HS2ST1: variants seen among roughly 807,000 people sequenced by gnomAD.
HS2ST1 encodes heparan sulfate 2-O-sulfotransferase 1.
Under a neutral mutation model 42.9 loss-of-function variants are expected in HS2ST1, and 18 were observed. The observed-to-expected ratio is 0.42, with a 90% CI of 0.29 to 0.62. The LOEUF (loss-of-function observed/expected upper bound fraction) is 0.62. Among genes scored for constraint, HS2ST1 ranks in the 20% least tolerant of loss-of-function variants. HS2ST1 has a pLI of 0.21. For missense variants in HS2ST1, 334 were observed against 433.8 expected, an observed-to-expected ratio of 0.77 and a Z score of 2.04; for synonymous variants, 146 against 152.9, an observed-to-expected ratio of 0.95 and a Z score of 0.33.
rs1403534315 is a variant in HS2ST1, at chr1:87,108,885, A to C, written c.*4189A>C. ...AGTGTTGAATGTAATTTTCGGAAAC[A>C]TGGATTGTGTATTTTGACTTTTATT... On this transcript the variant is annotated 3_prime_UTR_variant, in exon 7 of 7. Coordinates refer to ENST00000370550, the MANE Select transcript of HS2ST1 (RefSeq NM_012262.4). The C allele has an allele frequency of 6.6e-6, 1 of 152,514 alleles. No homozygotes were observed. Among genetic ancestry groups the C allele is most frequent in the Non-Finnish European group, 1.5e-5 (1 of 67,966 alleles). The allele number at this position is 152,514 out of a possible 1,614,324, so 9.4% of individuals were successfully genotyped here.
intron 1 of HS2ST1, among the ~76,000 whole-genome samples, chr1:86,942,686 A>G (rs930416679): frequency 6.6e-6 from 1 of 152,188 alleles, no homozygotes; most frequent in African/African-American, 2.4e-5. Flanking sequence ...GAGATTTCCT[A>G]TTTGAAGTTG....
chr1:86,932,267 T>C (rs1660560121), intron 1 of HS2ST1: 1 of 151,558 alleles, frequency 6.6e-6, no homozygotes, highest in Non-Finnish European at 1.5e-5. Flanking sequence ...CACATGAGAG[T>C]AGAGAGTAAA....
chr1:86,967,771 C>T (rs1282545682), intron 1 of HS2ST1, among the ~76,000 whole-genome samples: 4 of 152,134 alleles, frequency 2.6e-5, no homozygotes, highest in Admixed American at 6.6e-5. Flanking sequence ...TATGTGCCTG[C>T]GTCTTTTTCA....
chr1:86,970,518 A>T (rs1648200416), intron 1 of HS2ST1, among the ~76,000 whole-genome samples: 1 of 152,100 alleles, frequency 6.6e-6, no homozygotes, highest in Non-Finnish European at 1.5e-5. Flanking sequence ...GTTGTGCCTC[A>T]GCCTCCCAAG....
chr1:87,007,538 A>C (rs1319352953), intron 1 of HS2ST1, among the ~76,000 whole-genome samples: 2 of 152,150 alleles, frequency 1.3e-5, no homozygotes, highest in Non-Finnish European at 2.9e-5. Flanking sequence ...AAGGCTGGTT[A>C]AAATGTGATA....
At chr1:87,101,688 C>G (rs575235058) in intron 5 of HS2ST1, among the ~76,000 whole-genome samples, 1 of 152,276 alleles carries the variant, frequency 6.6e-6, no homozygotes, top group African/African-American at 2.4e-5. Context: ...CAAAGTTTCC[C>G]TCTTCTTCCT....
chr1:86,924,226 G>T (rs538837168), intron 1 of HS2ST1, among the ~76,000 whole-genome samples: 3 of 152,316 alleles, frequency 2.0e-5, no homozygotes. Flanking sequence ...CAAGAGTTGG[G>T]CTCCCATGGC....
chr1:86,924,527 C>T (rs1207150452), intron 1 of HS2ST1, among the ~76,000 whole-genome samples: 1 of 152,188 alleles, frequency 6.6e-6, no homozygotes, highest in African/African-American at 2.4e-5. Flanking sequence ...CTTGGGTATC[C>T]AGGTGTTTCC....
chr1:86,950,462 C>T (rs1026375845), intron 1 of HS2ST1, among the ~76,000 whole-genome samples: 6 of 152,068 alleles, frequency 3.9e-5, no homozygotes, highest in African/African-American at 1.4e-4. Context: ...TGCATTGGGT[C>T]TTGGACTGGA....
intron 1 of HS2ST1, among the ~76,000 whole-genome samples, chr1:86,975,336 T>G (rs1648367516): frequency 6.6e-6 from 1 of 151,936 alleles, no homozygotes; most frequent in Non-Finnish European, 1.5e-5. Context: ...GAAGTACTGT[T>G]GTAATTTATA....
At chr1:86,937,021 C>A (rs1238389872) in intron 1 of HS2ST1, among the ~76,000 whole-genome samples, 1 of 151,678 alleles carries the variant, frequency 6.6e-6, no homozygotes, top group African/African-American at 2.4e-5. Flanking sequence ...AGGACAATCG[C>A]TTGAACCCGG....
At chr1:87,005,213 C>T (rs1288641038) in intron 1 of HS2ST1, among the ~76,000 whole-genome samples, 1 of 152,178 alleles carries the variant, frequency 6.6e-6, no homozygotes, top group Non-Finnish European at 1.5e-5. Flanking sequence ...CACGCAGAGG[C>T]AGAATCCTCT....
intron 1 of HS2ST1, among the ~76,000 whole-genome samples, chr1:87,014,607 C>T (rs965652447): frequency 5.9e-5 from 9 of 152,072 alleles, no homozygotes. Flanking sequence ...AACAAAAAAC[C>T]CTGACAAATA....
At chr1:87,015,998 G>A (rs1362876432) in intron 1 of HS2ST1, among the ~76,000 whole-genome samples, 1 of 151,520 alleles carries the variant, frequency 6.6e-6, no homozygotes, top group African/African-American at 2.4e-5. Context: ...TATATTTTTA[G>A]TAGAGACGGG....
intron 3 of HS2ST1, among the ~76,000 whole-genome samples, chr1:87,091,122 T>G (rs914544504): frequency 1.3e-5 from 2 of 152,046 alleles, no homozygotes; most frequent in Non-Finnish European, 2.9e-5. Context: ...GGACAAGAAA[T>G]TTAGTCTTTT....
chr1:86,987,268 G>T (rs1300809672), intron 1 of HS2ST1, among the ~76,000 whole-genome samples: 1 of 151,492 alleles, frequency 6.6e-6, no homozygotes, highest in Non-Finnish European at 1.5e-5. Context: ...TAGAGACAGG[G>T]TTTTACCATG....
intron 1 of HS2ST1, among the ~76,000 whole-genome samples, chr1:86,973,776 G>T (rs986463681): frequency 6.6e-6 from 1 of 152,126 alleles, no homozygotes. Context: ...AACCAAGGTG[G>T]TTCTCCTTGA....
intron 2 of HS2ST1, among the ~76,000 whole-genome samples, chr1:87,075,314 G>A (rs778046069): frequency 2.6e-5 from 4 of 151,624 alleles, no homozygotes; most frequent in Non-Finnish European, 5.9e-5. Context: ...TTATAGGCAT[G>A]CGCCACCACG....
chr1:86,968,632 C>G (rs1346104236), intron 1 of HS2ST1, among the ~76,000 whole-genome samples: 1 of 152,026 alleles, frequency 6.6e-6, no homozygotes, highest in African/African-American at 2.4e-5. Context: ...CTCGGGACTC[C>G]TGGCCTCAAG....
Sources: gnomAD v4.1 joint callset for allele counts (sites outside exome capture counted in the v4.1 genomes callset) on GRCh38, gnomAD v4.1.1 for gene constraint, MANE v1.5 for transcripts, NCBI Gene and HGNC (gene_info 2026-07-23, HGNC 2026-07-21) for gene names.